AK5: variants seen among roughly 807,000 people sequenced by gnomAD.
AK5 encodes adenylate kinase 5, also known as adenylate kinase isoenzyme 5.
In AK5, 27 loss-of-function variants were observed where a neutral mutation model predicts 69.5. The ratio of observed to expected loss-of-function variants is 0.39; its 90% confidence interval spans 0.29 to 0.54. The LOEUF (loss-of-function observed/expected upper bound fraction) is 0.54. Among genes scored for constraint, AK5 ranks in the 20% least tolerant of loss-of-function variants. The pLI is 0.71. For missense variants in AK5, 531 were observed against 700.4 expected (o/e 0.76, Z 2.73); for synonymous variants, 260 against 244.4 (o/e 1.06, Z -0.60).
At chr1:77,353,865 T>C (rs1203735573) in intron 6 of AK5, among the ~76,000 whole-genome samples, 1 of 152,016 alleles carries the variant, frequency 6.6e-6, no homozygotes, top group Admixed American at 6.6e-5. Flanking sequence ...AGGGAGCCCA[T>C]AGAGAAAAGG....
At chr1:77,367,645 TTA>T (rs1204447838) in intron 6 of AK5, among the ~76,000 whole-genome samples, 6 of 65,356 alleles carry the variant, frequency 9.2e-5, no homozygotes, top group African/African-American at 1.6e-4. Flanking sequence ...ATATGTTATG[TTA>T]TATATGTTAT....
intron 6 of AK5, among the ~76,000 whole-genome samples, chr1:77,377,443 G>A (rs1647323924): frequency 6.6e-6 from 1 of 152,068 alleles, no homozygotes; most frequent in Non-Finnish European, 1.5e-5. Context: ...CTTCAGGTCA[G>A]CCCCTCCTCA....
At chr1:77,551,176 T>TCAAAA (rs1304813619) in intron 13 of AK5, among the ~76,000 whole-genome samples, 3 of 151,876 alleles carry the variant, frequency 2.0e-5, no homozygotes, top group African/African-American at 4.8e-5. Context: ...AAACTCCATC[T>TCAAAA]CAAAACAAAA....
chr1:77,297,636 G>C lies in AK5; in HGVS notation c.493G>C (p.Glu165Gln), dbSNP rs1481880819. The change falls in exon 4 of 14, where the codon GAA becomes CAA. Residue 165 changes from glutamate to glutamine, a missense_variant. By Grantham distance (29) the Glu-to-Gln change is conservative. Coordinates refer to ENST00000354567, the MANE Select transcript of AK5 (RefSeq NM_174858.3). The stretch of plus-strand genomic sequence containing the variant: ...TGGATTCCAATACATTTCTGTGGGA[G>C]AATTATTAAGAAAGAAGATCCACAG... Reference protein sequence around the residue: ...RYGFQYISVGELLRKKIHSTS... With the variant: ...RYGFQYISVGQLLRKKIHSTS... The C allele has an allele frequency of 6.2e-7, 1 of 1,613,906 alleles. No homozygotes were observed. The highest frequency in any genetic ancestry group is 8.5e-7 in the Non-Finnish European group (1 of 1,179,922).
chr1:77,312,978 G>A (rs1462175470), intron 5 of AK5, among the ~76,000 whole-genome samples: 1 of 152,012 alleles, frequency 6.6e-6, no homozygotes, highest in African/African-American at 2.4e-5. Flanking sequence ...TCTTCCAAAT[G>A]TGTACCAAAA....
chr1:77,386,834 C>G (rs1275493221), intron 6 of AK5, among the ~76,000 whole-genome samples: 1 of 152,110 alleles, frequency 6.6e-6, no homozygotes, highest in Admixed American at 6.5e-5. Context: ...TCATCCTCCC[C>G]TCTCCCTGCC....
intron 8 of AK5, among the ~76,000 whole-genome samples, chr1:77,476,180 C>A (rs1342011555): frequency 6.6e-6 from 1 of 152,146 alleles, no homozygotes; most frequent in Non-Finnish European, 1.5e-5. Flanking sequence ...TTACAGCAAG[C>A]AGACCTCTAA....
intron 8 of AK5, among the ~76,000 whole-genome samples, chr1:77,434,149 T>A (rs1045708751): frequency 2.9e-5 from 4 of 137,826 alleles, no homozygotes; most frequent in South Asian, 2.4e-4. Context: ...AATAAATAAA[T>A]AAAATTTGAT....
At chr1:77,458,692 A>G (rs531050245) in intron 8 of AK5, among the ~76,000 whole-genome samples, 196 of 152,328 alleles carry the variant, frequency 1.3e-3, no homozygotes, top group African/African-American at 4.0e-3. Context: ...GGAGAACAGC[A>G]TGGGAAGACC....
chr1:77,402,384 C>T (rs891759428), intron 6 of AK5, among the ~76,000 whole-genome samples: 53 of 151,836 alleles, frequency 3.5e-4, no homozygotes, highest in African/African-American at 1.1e-3. Flanking sequence ...CATGCTGGTG[C>T]GCTGCACCCA....
At chr1:77,302,093 G>T (rs1487057561) in intron 5 of AK5, among the ~76,000 whole-genome samples, 1 of 151,988 alleles carries the variant, frequency 6.6e-6, no homozygotes, top group African/African-American at 2.4e-5. Context: ...GGAGACAGGG[G>T]CTCCCTGTGT....
intron 6 of AK5, among the ~76,000 whole-genome samples, chr1:77,404,259 G>C (rs1175297391): frequency 6.6e-6 from 1 of 152,132 alleles, no homozygotes; most frequent in Non-Finnish European, 1.5e-5. Flanking sequence ...AATCTTTGTT[G>C]TGAGGATGGC....
chr1:77,534,142 C>T (rs191355470), intron 12 of AK5, among the ~76,000 whole-genome samples: 1 of 152,286 alleles, frequency 6.6e-6, no homozygotes, highest in East Asian at 1.9e-4. Context: ...GTTGCCTAAA[C>T]ATCCTCTTCT....
In AK5 at chr1:77,367,579, A is replaced by ATATATATATAT. The variant is rs71075732; in HGVS notation, c.891+27011_891+27012insTATATATATAT. On this transcript the variant is annotated intron_variant, in intron 6 of 13. Coordinates refer to ENST00000354567, the MANE Select transcript of AK5 (RefSeq NM_174858.3). ...TTTTTATATATATATATATATATAT[A>ATATATATATAT]ATATATATGTTATATATGTAATATA... is the stretch of plus-strand genomic sequence containing the variant. Among the ~76,000 whole-genome samples the ATATATATATAT allele has an allele frequency of 6.6e-3, 354 of 53,286 alleles. 16 individuals carry two copies. Among genetic ancestry groups the ATATATATATAT allele is most frequent in the South Asian group, 0.01 (16 of 1,548 alleles). The allele number at this position is 53,286 out of a possible 152,430, so 35.0% of individuals were successfully genotyped here. A position where few individuals can be genotyped will look rare whatever the true frequency, so the allele number is the denominator to read the frequency against.
chr1:77,535,269 A>G (rs540308982), intron 12 of AK5, among the ~76,000 whole-genome samples: 3 of 152,342 alleles, frequency 2.0e-5, no homozygotes, highest in South Asian at 2.1e-4. Flanking sequence ...TCTGTGTCTC[A>G]GTGGGAGAGT....
rs1458851262 is a variant in AK5 at position 77,533,525 on chromosome 1, A to C, written c.1429-2322A>C. Among the ~76,000 whole-genome samples, 5 of 151,004 alleles carry C rather than the reference A, an allele frequency of 3.3e-5. No individual in the cohort carries two copies. The South Asian group carries it at 6.3e-4, about 19-fold the overall frequency. On this transcript the variant is annotated intron_variant, in intron 12 of 13. Coordinates refer to ENST00000354567, the MANE Select transcript of AK5 (RefSeq NM_174858.3). ...CTCTGTCACCAAAAAAAAAAAAAAAAAAAAAAAAAACAGATTCTGCTTCAG... is the reference window on the plus strand; with the variant it reads ...CTCTGTCACCAAAAAAAAAAAAAAACAAAAAAAAAACAGATTCTGCTTCAG...
chr1:77,383,045 G>A (rs1277338727), intron 6 of AK5, among the ~76,000 whole-genome samples: 1 of 152,126 alleles, frequency 6.6e-6, no homozygotes, highest in African/African-American at 2.4e-5. Flanking sequence ...ACATAGTTTA[G>A]TACCATATTA....
At chr1:77,378,294 A>G (rs147698925) in intron 6 of AK5, among the ~76,000 whole-genome samples, 87 of 152,298 alleles carry the variant, frequency 5.7e-4, no homozygotes, top group African/African-American at 2.1e-3. Context: ...CTTACATTGT[A>G]AGGTCCTTAC....
Position 77,376,317 on chromosome 1 carries a change from C to T in AK5, c.892-34664C>T, listed in dbSNP as rs191598919. On this transcript the variant is annotated intron_variant, in intron 6 of 13. Transcript: ENST00000354567. Reference sequence around the variant, plus strand: ...AAATCCAGAGGGAGGGCAAGTAGGTCGAAGCAGACTCTGATGGTGTTTACT... The same window carrying T: ...AAATCCAGAGGGAGGGCAAGTAGGTTGAAGCAGACTCTGATGGTGTTTACT... Among the ~76,000 whole-genome samples, 741 of 151,490 alleles carry T rather than the reference C, an allele frequency of 4.9e-3. 4 individuals are homozygous for T. Among genetic ancestry groups the T allele is most frequent in the Non-Finnish European group, 8.0e-3 (542 of 67,940 alleles).
Sources: gnomAD v4.1 joint callset for allele counts (sites outside exome capture counted in the v4.1 genomes callset) on GRCh38, gnomAD v4.1.1 for gene constraint, MANE v1.5 for transcripts, NCBI Gene and HGNC (gene_info 2026-07-23, HGNC 2026-07-21) for gene names.